The following ARMH3 variants were observed in gnomAD, a reference collection of about 807,000 sequenced individuals.
ARMH3 encodes armadillo-like helical domain-containing protein 3.
A neutral mutation model predicts 99.1 loss-of-function variants in ARMH3; 60 were observed. The ratio of observed to expected loss-of-function variants is 0.61; its 90% CI spans 0.49 to 0.75. The LOEUF (loss-of-function observed/expected upper bound fraction) is 0.75. Ranked by LOEUF, ARMH3 falls within the 30% of genes least tolerant of loss-of-function variation. The probability of loss-of-function intolerance (pLI) is 0.00; values close to 1 mark genes in which losing one functional copy is unlikely to be tolerated. For synonymous variants in ARMH3, 285 were observed against 292.8 expected (o/e 0.97, Z 0.27); for missense variants, 679 against 843.1 (o/e 0.81, Z 2.41).
At chr10:102,006,962 A>T (rs2136087688) in intron 13 of ARMH3, among the ~76,000 whole-genome samples, 1 of 151,874 alleles carries the variant, frequency 6.6e-6, no homozygotes, top group Non-Finnish European at 1.5e-5. Context: ...GGAGATCGAG[A>T]CCATCCTGGC....
At chr10:101,947,049 G>T (rs547063559) in intron 22 of ARMH3, among the ~76,000 whole-genome samples, 1 of 151,958 alleles carries the variant, frequency 6.6e-6, no homozygotes, top group Non-Finnish European at 1.5e-5. Context: ...TTAGCCAGGC[G>T]TGGTGGTGGG....
At chr10:102,014,226 G>A (rs2066694240) in intron 8 of ARMH3, among the ~76,000 whole-genome samples, 1 of 152,138 alleles carries the variant, frequency 6.6e-6, no homozygotes. Flanking sequence ...TTCATCAAGT[G>A]TACACACAAA....
intron 19 of ARMH3, among the ~76,000 whole-genome samples, chr10:101,987,826 GTAGAATCTCAGATAC>G (rs1013261901): frequency 3.0e-4 from 45 of 152,272 alleles, no homozygotes; most frequent in South Asian, 2.1e-4. Context: ...TTGAGCCCCA[GTAGAATCTCAGATAC>G]TTGCTGCCCC....
intron 24 of ARMH3, among the ~76,000 whole-genome samples, chr10:101,852,629 A>G (rs551022784): frequency 6.6e-6 from 1 of 152,022 alleles, no homozygotes; most frequent in Non-Finnish European, 1.5e-5. Context: ...CGCACCTATA[A>G]TCCCAGCAAC....
intron 24 of ARMH3, among the ~76,000 whole-genome samples, chr10:101,854,656 T>C (rs2066689226): frequency 1.3e-5 from 2 of 152,050 alleles, no homozygotes; most frequent in Non-Finnish European, 2.9e-5. Flanking sequence ...CCTCTGGAGG[T>C]AAGGGGCCTG....
At chr10:101,850,210 G>A (rs907252566) in intron 24 of ARMH3, among the ~76,000 whole-genome samples, 7 of 146,352 alleles carry the variant, frequency 4.8e-5, no homozygotes, top group Non-Finnish European at 8.9e-5. Flanking sequence ...CGATTCTCCT[G>A]CCTCAGCCTC....
At chr10:101,888,049 T>C (rs1380486470) in intron 24 of ARMH3, among the ~76,000 whole-genome samples, 1 of 147,838 alleles carries the variant, frequency 6.8e-6, no homozygotes, top group Non-Finnish European at 1.5e-5. Context: ...GCTGACAGAG[T>C]AAATGTCTCC....
intron 8 of ARMH3, among the ~76,000 whole-genome samples, chr10:102,017,532 C>T (rs140562289): frequency 1.3e-5 from 2 of 152,314 alleles, no homozygotes; most frequent in African/African-American, 4.8e-5. Flanking sequence ...CAGTAGAATG[C>T]TCCAAAAATA....
chr10:102,048,710 C>T (rs1168394096), intron 1 of ARMH3, among the ~76,000 whole-genome samples: 1 of 152,188 alleles, frequency 6.6e-6, no homozygotes, highest in Admixed American at 6.6e-5. Context: ...CAGGCATGAG[C>T]CACCGCACCC....
chr10:102,025,057 A>G (rs1289980745), intron 6 of ARMH3, 99 bp downstream of exon 6: 1 of 1,002,342 alleles, frequency 1.0e-6, no homozygotes. Context: ...CCTCATTGAG[A>G]ATATTTCTTC....
rs192922160 is a variant in ARMH3, at chr10:102,036,041, C to G, written c.103-2702G>C. On this transcript the variant is annotated intron_variant, in intron 2 of 25. Transcript: ENST00000370033. ...GCGACCCCGACTGGGAGGTGGGGAG[C>G]GTCTCCGCCCGGCCGCCCCGTCTGG... 9.9e-3 allele frequency among the ~76,000 whole-genome samples: 1,493 copies of G among 151,034 alleles called. 22 individuals carry two copies. Among genetic ancestry groups the G allele is most frequent in the African/African-American group, 0.035 (1,435 of 41,112 alleles).
chr10:102,029,832 A>C, intron 4 of ARMH3, 87 bp from the exon 5 acceptor site: 2 of 1,248,396 alleles, frequency 1.6e-6, no homozygotes, highest in Non-Finnish European at 1.1e-6. Flanking sequence ...TACACAGCTG[A>C]CACTGAATAA....
chr10:101,903,124 TG>T (rs796212337), intron 23 of ARMH3, among the ~76,000 whole-genome samples: 10 of 152,372 alleles, frequency 6.6e-5, no homozygotes, highest in African/African-American at 2.4e-4. Context: ...TAAAGAACTT[TG>T]TTTATGCTAT....
At chr10:101,859,483 C>A (rs578241028) in intron 24 of ARMH3, among the ~76,000 whole-genome samples, 1 of 152,168 alleles carries the variant, frequency 6.6e-6, no homozygotes, top group Non-Finnish European at 1.5e-5. Flanking sequence ...AAATCCTGTA[C>A]AAAAGATGAG....
chr10:101,919,040 G>C (rs1219214578), intron 23 of ARMH3, among the ~76,000 whole-genome samples: 1 of 152,128 alleles, frequency 6.6e-6, no homozygotes, highest in Admixed American at 6.5e-5. Flanking sequence ...AAAATATTTA[G>C]TATTAAGAGT....
chr10:102,010,238 T>C (rs1228732646), intron 11 of ARMH3, among the ~76,000 whole-genome samples: 1 of 152,246 alleles, frequency 6.6e-6, no homozygotes, highest in South Asian at 2.1e-4. Context: ...TCCTACTAAA[T>C]CATCTTGCCT....
chr10:101,991,904 T>C, intron 18 of ARMH3, 65 bp downstream of exon 18: 1 of 1,420,440 alleles, frequency 7.0e-7, no homozygotes, highest in Admixed American at 1.7e-5. Flanking sequence ...GTTCTACTCT[T>C]CATCTTCATC....
intron 6 of ARMH3, among the ~76,000 whole-genome samples, chr10:102,024,248 A>G (rs1044727704): frequency 6.6e-6 from 1 of 151,916 alleles, no homozygotes; most frequent in Non-Finnish European, 1.5e-5. Flanking sequence ...CAGGAGTTCA[A>G]GACCAACCTG....
chr10:102,043,484 T>C (rs2067469496), intron 1 of ARMH3, among the ~76,000 whole-genome samples: 1 of 152,206 alleles, frequency 6.6e-6, no homozygotes, highest in Non-Finnish European at 1.5e-5. Context: ...GAGCTCATAA[T>C]CTACTGGCAC....
Sources: gnomAD v4.1 joint callset for allele counts (sites outside exome capture counted in the v4.1 genomes callset) on GRCh38, gnomAD v4.1.1 for gene constraint, MANE v1.5 for transcripts, NCBI Gene and HGNC (gene_info 2026-07-23, HGNC 2026-07-21) for gene names.